The following MYO1B variants were observed in gnomAD, a reference collection of about 807,000 sequenced individuals.
The protein encoded by MYO1B is myosin IB.
Under a neutral mutation model 159.7 loss-of-function variants are expected in MYO1B, and 72 were observed. That is an observed-to-expected ratio of 0.45 (90% CI 0.37 to 0.55). The LOEUF is 0.55. MYO1B is among the 20% of genes least tolerant of loss of function. The pLI, the probability that MYO1B is intolerant of heterozygous loss-of-function variation, is 0.00. For missense variants in MYO1B, 1,062 were observed against 1,364.8 expected, an observed-to-expected ratio of 0.78 and a Z score of 3.50; for synonymous variants, 468 against 473.8, an observed-to-expected ratio of 0.99 and a Z score of 0.16.
chr2:191,388,859 A>G (rs1463189002), intron 17 of MYO1B, among the ~76,000 whole-genome samples: 4 of 152,152 alleles, frequency 2.6e-5, no homozygotes, highest in Non-Finnish European at 4.4e-5. Flanking sequence ...CCATTACCCC[A>G]GAAAGCTTCT....
At chr2:191,266,940 A>T (rs966668418) in intron 1 of MYO1B, among the ~76,000 whole-genome samples, 1 of 152,210 alleles carries the variant, frequency 6.6e-6, no homozygotes, top group African/African-American at 2.4e-5. Flanking sequence ...AAGGTTCTAG[A>T]TGCTGTCTTT....
intron 7 of MYO1B, among the ~76,000 whole-genome samples, chr2:191,355,968 A>G (rs1693250980): frequency 6.6e-6 from 1 of 152,154 alleles, no homozygotes; most frequent in South Asian, 2.1e-4. Context: ...CTCGTGGCAC[A>G]TTGTTTAATC....
chr2:191,265,172 G>A (rs534164892), intron 1 of MYO1B, among the ~76,000 whole-genome samples: 1 of 148,310 alleles, frequency 6.7e-6, no homozygotes, highest in Non-Finnish European at 1.5e-5. Context: ...GAGCCTGAAC[G>A]ATGGGAAGGC....
intron 24 of MYO1B, among the ~76,000 whole-genome samples, chr2:191,403,088 A>G (rs1445406379): frequency 2.0e-5 from 3 of 152,160 alleles, no homozygotes; most frequent in African/African-American, 7.2e-5. Context: ...CAGCCTAGGG[A>G]TGCCAGGCTT....
At chr2:191,331,931 C>T (rs1393533284) in intron 4 of MYO1B, among the ~76,000 whole-genome samples, 1 of 152,142 alleles carries the variant, frequency 6.6e-6, no homozygotes, top group Admixed American at 6.6e-5. Flanking sequence ...AAACAGAATA[C>T]TTGAGATTTG....
chr2:191,261,679 G>C (rs186662879), intron 1 of MYO1B, among the ~76,000 whole-genome samples: 2 of 152,298 alleles, frequency 1.3e-5, no homozygotes, highest in Admixed American at 1.3e-4. Flanking sequence ...GTAGAGAGGG[G>C]TATGGGGCAT....
chr2:191,364,613 C>G (rs564830996), intron 11 of MYO1B, among the ~76,000 whole-genome samples: 110 of 152,302 alleles, frequency 7.2e-4, no homozygotes, highest in African/African-American at 2.6e-3. Context: ...TGGGAAATGA[C>G]TGAAGGGTTT....
chr2:191,359,191 G>T (rs1379334406), intron 7 of MYO1B, among the ~76,000 whole-genome samples: 1 of 151,900 alleles, frequency 6.6e-6, no homozygotes, highest in African/African-American at 2.4e-5. Flanking sequence ...TCTATCTTGT[G>T]CTTTGCATGT....
intron 3 of MYO1B, among the ~76,000 whole-genome samples, chr2:191,326,792 G>GTT (rs1691114366): frequency 7.0e-6 from 1 of 141,990 alleles, no homozygotes; most frequent in Non-Finnish European, 1.5e-5. Flanking sequence ...GTGTGTGTGT[G>GTT]TGTGTGTGTG....
intron 3 of MYO1B, among the ~76,000 whole-genome samples, chr2:191,300,715 T>C (rs1689275319): frequency 7.2e-6 from 1 of 139,348 alleles, no homozygotes; most frequent in South Asian, 2.5e-4. Flanking sequence ...TCAAGAGATC[T>C]TCCTACCTCC....
chr2:191,253,437 G>A (rs1193551060), intron 1 of MYO1B, among the ~76,000 whole-genome samples: 3 of 152,106 alleles, frequency 2.0e-5, no homozygotes, highest in Admixed American at 6.5e-5. Flanking sequence ...GTTCTGGATC[G>A]TTCCTTCCCC....
intron 13 of MYO1B, among the ~76,000 whole-genome samples, chr2:191,371,843 G>A (rs1180069828): frequency 6.6e-6 from 1 of 152,168 alleles, no homozygotes; most frequent in East Asian, 1.9e-4. Flanking sequence ...TCCCCATGGG[G>A]TCCCCAGAAC....
At chr2:191,275,577 G>A (rs562075883) in intron 1 of MYO1B, among the ~76,000 whole-genome samples, 3 of 152,288 alleles carry the variant, frequency 2.0e-5, no homozygotes, top group Admixed American at 1.3e-4. Context: ...TGTTTAAGTT[G>A]CTGAGATTTC....
intron 21 of MYO1B, among the ~76,000 whole-genome samples, chr2:191,400,056 A>G (rs889828139): frequency 1.3e-5 from 2 of 152,236 alleles, no homozygotes; most frequent in African/African-American, 4.8e-5. Flanking sequence ...TTAGAGGATC[A>G]TTGGAATCCT....
intron 2 of MYO1B, among the ~76,000 whole-genome samples, chr2:191,284,947 T>G (rs1688278581): frequency 6.6e-6 from 1 of 152,110 alleles, no homozygotes; most frequent in Admixed American, 6.6e-5. Context: ...ACCCTGGTAT[T>G]TTCATTAGTT....
intron 4 of MYO1B, among the ~76,000 whole-genome samples, chr2:191,334,753 G>T (rs1691718337): frequency 6.6e-6 from 1 of 152,080 alleles, no homozygotes; most frequent in Non-Finnish European, 1.5e-5. Context: ...GCTGGAGGAG[G>T]GTCCAACAGA....
chr2:191,381,672 A>G, intron 14 of MYO1B, 106 bp downstream of exon 14: 2 of 742,514 alleles, frequency 2.7e-6, no homozygotes, highest in East Asian at 2.6e-5. Flanking sequence ...AAAAGGCTAC[A>G]TACTGTATGA....
In MYO1B at chr2:191,379,020, T is replaced by C. The variant is rs116207126; in HGVS notation, c.1186-2442T>C. ...ATCATTATTTCAGTCAAACTGTTTTTATCCTGAAGAACCCTCCCCTAGCAA... is the reference window on the plus strand; with the variant it reads ...ATCATTATTTCAGTCAAACTGTTTTCATCCTGAAGAACCCTCCCCTAGCAA... On this transcript the variant is annotated intron_variant, in intron 13 of 30. Coordinates refer to ENST00000392318, the MANE Select transcript of MYO1B (RefSeq NM_001130158.3). Among the ~76,000 whole-genome samples, 931 of 152,318 alleles carry C rather than the reference T, an allele frequency of 6.1e-3. 5 individuals carry two copies. Among genetic ancestry groups the C allele is most frequent in the Non-Finnish European group, 0.01 (710 of 68,032 alleles).
intron 5 of MYO1B, 43 bp downstream of exon 5, chr2:191,341,608 T>C: frequency 6.8e-7 from 1 of 1,469,048 alleles, no homozygotes; most frequent in South Asian, 1.2e-5. Context: ...ACTCAAACAG[T>C]AGATTGAGTT....
Sources: allele counts gnomAD v4.1 joint callset (sites outside exome capture counted in the v4.1 genomes callset), GRCh38; gene constraint gnomAD v4.1.1; transcripts MANE v1.5; gene names NCBI Gene and HGNC (gene_info 2026-07-23, HGNC 2026-07-21).